Variants in ALPK3 observed in about 807,000 individuals in gnomAD.
ALPK3 encodes the protein alpha-protein kinase 3.
In ALPK3, 102 loss-of-function variants were observed where a neutral mutation model predicts 140.0. That is an observed-to-expected ratio of 0.73 (90% CI 0.62 to 0.86). The LOEUF (loss-of-function observed/expected upper bound fraction) is 0.86, where lower values mean the gene tolerates loss of function less well. ALPK3 is among the 40% of genes least tolerant of loss of function. ALPK3 has a pLI of 0.00. For synonymous variants in ALPK3, 938 were observed against 898.5 expected (o/e 1.04, Z -0.79); for missense variants, 2,254 against 2,208.2 (o/e 1.02, Z -0.42).
At chr15:84,844,634 A>G (rs953820390) in intron 5 of ALPK3, among the ~76,000 whole-genome samples, 1 of 152,192 alleles carries the variant, frequency 6.6e-6, no homozygotes, top group South Asian at 2.1e-4. Flanking sequence ...AGGCAGATGG[A>G]TCACCTGAGG....
chr15:84,854,396 C>T (rs899741778), intron 5 of ALPK3, among the ~76,000 whole-genome samples: 2 of 152,156 alleles, frequency 1.3e-5, no homozygotes, highest in Admixed American at 1.3e-4. Flanking sequence ...AAGCGATTCT[C>T]TTGCCTCAGC....
chr15:84,864,584 G>C lies in ALPK3; in HGVS notation c.4642G>C (p.Glu1548Gln). The change falls in exon 12 of 14, where the codon GAG becomes CAG. Residue 1548 changes from glutamate (E) to glutamine (Q), a missense_variant. Physicochemically the swap from Glu to Gln is conservative, Grantham distance 29. Coordinates refer to ENST00000258888, the MANE Select transcript of ALPK3 (RefSeq NM_020778.5). The part of the protein sequence containing the change: ...AEAPTASGSS[E>Q]AMQKCQTFQH... The stretch of plus-strand genomic sequence containing the variant: ...GGCTCCGACAGCATCTGGCAGCTCT[G>C]AGGCCATGCAGAAATGCCAGACCTT... 1 of 1,614,242 alleles carries C rather than the reference G, an allele frequency of 6.2e-7. No individual in the cohort carries two copies. Among genetic ancestry groups the C allele is most frequent in the East Asian group, 2.2e-5 (1 of 44,892 alleles).
chr15:84,859,783 G>T lies in ALPK3; in HGVS notation c.3973G>T (p.Asp1325Tyr). 2 of 1,612,304 alleles carry T rather than the reference G, an allele frequency of 1.2e-6. No homozygotes were observed. The highest frequency in any genetic ancestry group is 1.3e-5 in the African/African-American group (1 of 75,064). The change falls in exon 8 of 14, where the codon GAT (aspartate) becomes TAT (tyrosine). Residue 1325 changes from aspartate (D) to tyrosine (Y), a missense_variant. By Grantham distance (160) the Asp-to-Tyr change is radical. Around this residue, in one of 3 missense-constraint regions of ALPK3, gnomAD observed 2,088 missense variants for 2,022.9 expected, o/e 1.03. Coordinates refer to ENST00000258888, the MANE Select transcript of ALPK3 (RefSeq NM_020778.5). ...PVGEVGRSAG[D>Y]EGPAALAIVQ... ...AGGGTCTCCACTCTGCAGCGCAGGG[G>T]ATGAGGGGCCGGCGGCCTTGGCCAT...
chr15:84,828,867 G>A (rs1963516530), intron 3 of ALPK3, among the ~76,000 whole-genome samples: 2 of 152,126 alleles, frequency 1.3e-5, no homozygotes, highest in South Asian at 4.1e-4. Context: ...TTTGCTCTCC[G>A]GCATCTGATG....
At chr15:84,836,484 C>T (rs75313281) in intron 3 of ALPK3, among the ~76,000 whole-genome samples, 4 of 152,064 alleles carry the variant, frequency 2.6e-5, no homozygotes, top group African/African-American at 9.7e-5. Context: ...TGATCAGATT[C>T]TAGATATATT....
In ALPK3 at chr15:84,817,584, GCCCGAGACCAGGTAAGTGGCA is replaced by G. The variant is rs762762408; in HGVS notation, c.135_143+12del. The G allele has an allele frequency of 6.0e-6, 9 of 1,500,680 alleles. No homozygotes were observed. The South Asian group carries it at 1.1e-4, about 18-fold the overall frequency. The allele number at this position is 1,500,680 out of a possible 1,614,324, so 93.0% of individuals were successfully genotyped here. On this transcript the variant is annotated splice_donor_variant and splice_donor_5th_base_variant and coding_sequence_variant and intron_variant, in exon 1 of 14. Transcript: ENST00000258888. LOFTEE classifies it high-confidence loss of function. Reference sequence around the variant, plus strand: ...GCCGGAGCTACCTGCTCAGCGTGCGGCCCGAGACCAGGTAAGTGGCACCAAGGGGCAGGGCGGCGTCGGGCC... The same window carrying G: ...GCCGGAGCTACCTGCTCAGCGTGCGGCCAAGGGGCAGGGCGGCGTCGGGCC...
At chr15:84,845,716 T>C (rs918240849) in intron 5 of ALPK3, among the ~76,000 whole-genome samples, 1 of 152,136 alleles carries the variant, frequency 6.6e-6, no homozygotes, top group East Asian at 1.9e-4. Flanking sequence ...TGAACCATCA[T>C]GTAAGTCCCA....
intron 5 of ALPK3, among the ~76,000 whole-genome samples, chr15:84,851,205 C>T (rs1428521491): frequency 2.0e-5 from 3 of 152,092 alleles, no homozygotes; most frequent in African/African-American, 7.2e-5. Flanking sequence ...TGAGTGAGGT[C>T]TTCAAGGATG....
rs765857979 is a variant in ALPK3, at chr15:84,862,843, G to T, written c.4338G>T (p.Val1446=). The T allele has an allele frequency of 1.9e-6, 3 of 1,614,136 alleles. No homozygotes were observed. Among genetic ancestry groups the T allele is most frequent in the Non-Finnish European group, 2.5e-6 (3 of 1,180,016 alleles). Reference sequence around the variant, plus strand: ...CGGGCCGCACGTGCATCATCAAGGTGTCCAGCCTGCTTGTGTTTGGGCCCA... The same window carrying T: ...CGGGCCGCACGTGCATCATCAAGGTTTCCAGCCTGCTTGTGTTTGGGCCCA... The part of the protein sequence containing the change: ...FESGRTCIIK[V]SSLLVFGPSS... The change falls in exon 10 of 14, where the codon GTG becomes GTT. Residue 1446 remains valine, a synonymous_variant. Coordinates refer to ENST00000258888, the MANE Select transcript of ALPK3 (RefSeq NM_020778.5).
chr15:84,822,829 G>T (rs548250617), intron 1 of ALPK3, among the ~76,000 whole-genome samples: 1 of 152,212 alleles, frequency 6.6e-6, no homozygotes, highest in Non-Finnish European at 1.5e-5. Context: ...GGTTTGCCTT[G>T]TGTGGCCTCT....
At chr15:84,855,970 C>T (rs1036706011) in intron 5 of ALPK3, among the ~76,000 whole-genome samples, 1 of 152,192 alleles carries the variant, frequency 6.6e-6, no homozygotes, top group Non-Finnish European at 1.5e-5. Flanking sequence ...TCTCTCACTT[C>T]ACCCATAATT....
At position 84,857,353 on chromosome 15, in the gene ALPK3, G is replaced by C. The variant is rs779766656; in HGVS notation, c.2615G>C (p.Gly872Ala). The C allele has an allele frequency of 4.6e-5, 74 of 1,614,000 alleles. No homozygotes were observed. The highest frequency in any genetic ancestry group is 6.0e-5 in the Non-Finnish European group (71 of 1,180,030). ...QEVPTMPSLP[G>A]TGLTASPKAG... ...GTACCCACGATGCCTTCTCTTCCTGGAACTGGGCTGACAGCTAGCCCAAAG... is the reference window on the plus strand; with the variant it reads ...GTACCCACGATGCCTTCTCTTCCTGCAACTGGGCTGACAGCTAGCCCAAAG... The change falls in exon 6 of 14, where the codon GGA becomes GCA. Residue 872 changes from glycine to alanine, a missense_variant. Around this residue, in one of 3 missense-constraint regions of ALPK3, gnomAD observed 2,088 missense variants for 2,022.9 expected, o/e 1.03. Transcript: ENST00000258888.
chr15:84,859,426 C>T, intron 7 of ALPK3, 36 bp downstream of exon 7: 1 of 1,611,598 alleles, frequency 6.2e-7, no homozygotes, highest in Non-Finnish European at 8.5e-7. Flanking sequence ...TGACCTGGCT[C>T]CCTGATTGCA....
chr15:84,859,256 CCGGAAGATT>C lies in ALPK3; in HGVS notation c.3835_3843del (p.Lys1279_Arg1281del), dbSNP rs775527286. The C allele has an allele frequency of 1.2e-6, 2 of 1,613,984 alleles. No homozygotes were observed. The highest frequency in any genetic ancestry group is 2.7e-5 in the African/African-American group (2 of 74,928). On this transcript the variant is annotated inframe_deletion, in exon 7 of 14. Transcript: ENST00000258888. ...CCCTGCTCTCAGCCCCACAGGTGAT[CCGGAAGATT>C]CGGGTGGAGCAGTTTCCTGATGCCT...
Position 84,817,740 on chromosome 15 carries a change from G to A in ALPK3, c.143+145G>A, listed in dbSNP as rs957063231. 8 of 1,111,518 alleles carry A rather than the reference G, an allele frequency of 7.2e-6. No individual in the cohort carries two copies. In the African/African-American group the frequency reaches 1.3e-4, roughly 18 times the overall value. The allele number at this position is 1,111,518 out of a possible 1,614,324, so 68.9% of individuals were successfully genotyped here. ...CCCAAGGCCCAGGGCCTGGGGACATGGCCGGGCTGGAATGGCTTTCATAGC... is the reference window on the plus strand; with the variant it reads ...CCCAAGGCCCAGGGCCTGGGGACATAGCCGGGCTGGAATGGCTTTCATAGC... On this transcript the variant is annotated intron_variant, in intron 1 of 13. Transcript: ENST00000258888.
Position 84,840,277 on chromosome 15 carries a change from AG to A in ALPK3, c.999del (p.Lys334ArgfsTer82). 6.2e-7 allele frequency: 1 copy of A among 1,613,942 alleles called. No homozygotes were observed. The highest frequency in any genetic ancestry group is 1.1e-5 in the South Asian group (1 of 91,092). On this transcript the variant is annotated frameshift_variant, in exon 5 of 14. Coordinates refer to ENST00000258888, the MANE Select transcript of ALPK3 (RefSeq NM_020778.5). LOFTEE classifies it high-confidence loss of function. ...SKQGLRKPEL[E>X]KAAQSRRSSE... ...CAAGGCCTGCGGAAGCCAGAGTTAGAGAAGGCAGCCCAAAGCCGCCGTTCTT... is the reference window on the plus strand; with the variant it reads ...CAAGGCCTGCGGAAGCCAGAGTTAGAAAGGCAGCCCAAAGCCGCCGTTCTT...
intron 5 of ALPK3, among the ~76,000 whole-genome samples, chr15:84,845,753 A>C (rs1281372109): frequency 1.3e-5 from 2 of 152,238 alleles, no homozygotes; most frequent in Non-Finnish European, 2.9e-5. Context: ...GCACACACAC[A>C]GGGCAGATCC....
At chr15:84,845,131 CT>C (rs770565758) in intron 5 of ALPK3, among the ~76,000 whole-genome samples, 11 of 147,176 alleles carry the variant, frequency 7.5e-5, no homozygotes, top group Non-Finnish European at 9.0e-5. Flanking sequence ...ACGGTGTTTA[CT>C]TTTTTTTTTT....
rs1567094351 is a variant in ALPK3, at chr15:84,858,685, TA to T, written c.3817+133del. On this transcript the variant is annotated intron_variant, in intron 6 of 13. Transcript: ENST00000258888. ...CCTCGGGATTCATAAATTACCTTGG[TA>T]AAGGTACCCTTCTCTCACAGCCTTT... The T allele has an allele frequency of 3.0e-6, 4 of 1,335,958 alleles. No individual in the cohort carries two copies. The East Asian group carries it at 1.0e-4, about 33-fold the overall frequency. 82.8% of individuals were successfully genotyped at this position (1,335,958 alleles called of 1,614,324 possible).
Sources: allele counts gnomAD v4.1 joint callset (sites outside exome capture counted in the v4.1 genomes callset), GRCh38; gene constraint gnomAD v4.1.1; regional missense constraint gnomAD v4.1.1; transcripts MANE v1.5; gene names NCBI Gene and HGNC (gene_info 2026-07-23, HGNC 2026-07-21).